The following PCDH9 variants were observed in gnomAD, a reference collection of about 807,000 sequenced individuals.
PCDH9 encodes protocadherin-9.
In PCDH9, 24 loss-of-function variants were observed where a neutral mutation model predicts 70.6. The observed-to-expected ratio is 0.34, with a 90% CI of 0.25 to 0.48. The LOEUF (loss-of-function observed/expected upper bound fraction) is 0.48, where lower values mean the gene tolerates loss of function less well. PCDH9 is among the 20% of genes least tolerant of loss of function. The pLI is 0.99. For synonymous variants in PCDH9, 562 were observed against 558.5 expected (o/e 1.01, Z -0.09); for missense variants, 1,281 against 1,503.6 (o/e 0.85, Z 2.45).
At chr13:66,318,561 G>C (rs898937958) in intron 4 of PCDH9, among the ~76,000 whole-genome samples, 7 of 152,044 alleles carry the variant, frequency 4.6e-5, no homozygotes, top group African/African-American at 1.7e-4. Flanking sequence ...GATAAAATTT[G>C]CATGCAAAAT....
At chr13:67,105,660 T>C (rs1273061735) in intron 2 of PCDH9, among the ~76,000 whole-genome samples, 2 of 152,078 alleles carry the variant, frequency 1.3e-5, no homozygotes, top group African/African-American at 4.8e-5. Flanking sequence ...TTTTTGTTTC[T>C]TTTTTTAAAA....
intron 3 of PCDH9, among the ~76,000 whole-genome samples, chr13:66,794,356 TAC>T (rs1407610014): frequency 6.6e-6 from 1 of 152,122 alleles, no homozygotes. Context: ...TTCCAATTAA[TAC>T]ACACCAATTT....
chr13:67,219,574 T>C (rs2089680204), intron 2 of PCDH9: 1 of 152,060 alleles, frequency 6.6e-6, no homozygotes, highest in Non-Finnish European at 1.5e-5. Context: ...CTGACTTTTA[T>C]GCCTCCATGA....
At chr13:66,668,347 C>T (rs1425295240) in intron 3 of PCDH9, among the ~76,000 whole-genome samples, 1 of 152,054 alleles carries the variant, frequency 6.6e-6, no homozygotes, top group Non-Finnish European at 1.5e-5. Context: ...TTTTTCCAAC[C>T]TTTCTTTGTC....
chr13:66,538,514 A>G (rs1960805445), intron 4 of PCDH9, among the ~76,000 whole-genome samples: 1 of 152,166 alleles, frequency 6.6e-6, no homozygotes, highest in South Asian at 2.1e-4. Context: ...GGAAGCTCAC[A>G]AGTCCCAAAT....
chr13:66,950,172 T>C (rs1375450105), intron 2 of PCDH9, among the ~76,000 whole-genome samples: 3 of 152,092 alleles, frequency 2.0e-5, no homozygotes, highest in Non-Finnish European at 4.4e-5. Context: ...TAGCTACAGT[T>C]TAAGAATGGT....
intron 2 of PCDH9, among the ~76,000 whole-genome samples, chr13:66,988,654 A>G (rs887594295): frequency 1.3e-5 from 2 of 152,020 alleles, no homozygotes; most frequent in African/African-American, 4.8e-5. Flanking sequence ...TGGAAATAAT[A>G]CAAATGAAAG....
intron 3 of PCDH9, among the ~76,000 whole-genome samples, chr13:66,849,517 T>TATATATATAGAGAGAGAGAGAGAGAG (rs1272589939): frequency 1.6e-5 from 1 of 63,578 alleles, no homozygotes; most frequent in African/African-American, 8.3e-5. Flanking sequence ...TATATATATA[T>TATATATATAGAGAGAGAGAGAGAGAG]AGAGAGAGAG....
intron 2 of PCDH9, among the ~76,000 whole-genome samples, chr13:66,905,378 G>T (rs957797496): frequency 6.6e-6 from 1 of 152,102 alleles, no homozygotes; most frequent in Non-Finnish European, 1.5e-5. Flanking sequence ...CCAGCAGTGA[G>T]TCTCACCCTG....
intron 2 of PCDH9, among the ~76,000 whole-genome samples, chr13:67,072,075 A>G (rs571023906): frequency 4.5e-4 from 69 of 152,246 alleles, no homozygotes; most frequent in African/African-American, 1.6e-3. Flanking sequence ...AATTCTGAGC[A>G]GACTAGGAGT....
At chr13:67,128,317 T>A (rs1020880385) in intron 2 of PCDH9, among the ~76,000 whole-genome samples, 2 of 152,184 alleles carry the variant, frequency 1.3e-5, no homozygotes, top group Non-Finnish European at 2.9e-5. Flanking sequence ...CAATCAAAGA[T>A]AACACAATGC....
chr13:66,913,893 TG>T (rs917410926), intron 2 of PCDH9, among the ~76,000 whole-genome samples: 29 of 152,112 alleles, frequency 1.9e-4, no homozygotes, highest in African/African-American at 7.0e-4. Flanking sequence ...CATTTCCACA[TG>T]TTTTTTTAAT....
chr13:66,678,249 T>C (rs2078271611), intron 3 of PCDH9, among the ~76,000 whole-genome samples: 1 of 152,104 alleles, frequency 6.6e-6, no homozygotes, highest in Non-Finnish European at 1.5e-5. Context: ...GTTTCATTTT[T>C]AAAGTTCATG....
chr13:67,127,672 A>ATG (rs1312216109), intron 2 of PCDH9, among the ~76,000 whole-genome samples: 1 of 77,020 alleles, frequency 1.3e-5, no homozygotes, highest in South Asian at 6.0e-4. Flanking sequence ...TCATATATAT[A>ATG]TATATGTGTG....
chr13:67,054,333 C>T (rs1280588207), intron 2 of PCDH9, among the ~76,000 whole-genome samples: 1 of 152,128 alleles, frequency 6.6e-6, no homozygotes, highest in African/African-American at 2.4e-5. Context: ...TACCTATCTA[C>T]ACACACCCAC....
intron 3 of PCDH9, among the ~76,000 whole-genome samples, chr13:66,879,612 T>C (rs2139533200): frequency 6.6e-6 from 1 of 152,250 alleles, no homozygotes; most frequent in South Asian, 2.1e-4. Context: ...TATGTATAAA[T>C]AGCACAAATA....
At chr13:67,208,347 A>C (rs920737951) in intron 2 of PCDH9, 1 of 152,166 alleles carries the variant, frequency 6.6e-6, no homozygotes, top group Non-Finnish European at 1.5e-5. Flanking sequence ...CTTTATTTTT[A>C]GTAGCCTCCA....
rs139009379 is a variant in PCDH9 at position 66,754,380 on chromosome 13, A to T, written c.3139-122969T>A. On this transcript the variant is annotated intron_variant, in intron 3 of 4. Coordinates refer to ENST00000377865, the MANE Select transcript of PCDH9 (RefSeq NM_203487.3). ...ATCCCAGAATTTAAAGTATAACAAA[A>T]TAAAATAAATAAAATAACATAAAAC... Among the ~76,000 whole-genome samples, 620 of 152,306 alleles carry T rather than the reference A, an allele frequency of 4.1e-3. 4 individuals carry two copies. Among genetic ancestry groups the T allele is most frequent in the African/African-American group, 0.014 (593 of 41,570 alleles).
intron 4 of PCDH9, among the ~76,000 whole-genome samples, chr13:66,331,639 T>C (rs1015565612): frequency 6.6e-6 from 1 of 152,224 alleles, no homozygotes; most frequent in African/African-American, 2.4e-5. Context: ...AGGTTTATTT[T>C]TCTGCAAATC....
Sources: allele counts gnomAD v4.1 joint callset (sites outside exome capture counted in the v4.1 genomes callset), GRCh38; gene constraint gnomAD v4.1.1; transcripts MANE v1.5; gene names NCBI Gene and HGNC (gene_info 2026-07-23, HGNC 2026-07-21).